CENPL: variants seen among roughly 807,000 people sequenced by gnomAD.
CENPL encodes centromere protein L.
A neutral mutation model predicts 35.2 loss-of-function variants in CENPL; 20 were observed. The ratio of observed to expected loss-of-function variants is 0.57; its 90% CI spans 0.40 to 0.83. The LOEUF is 0.83. Among genes scored for constraint, CENPL ranks in the 40% least tolerant of loss-of-function variants. CENPL has a pLI of 0.00. For synonymous variants in CENPL, 140 were observed against 140.6 expected, an observed-to-expected ratio of 1.00 and a Z score of 0.03; for missense variants, 363 against 395.8, an observed-to-expected ratio of 0.92 and a Z score of 0.70.
At chr1:173,822,006 A>G (rs1488496699) in intron 2 of CENPL, 1 of 151,766 alleles carries the variant, frequency 6.6e-6, no homozygotes, top group Non-Finnish European at 1.5e-5. Context: ...AATCACTCCT[A>G]TACAGGATCC....
chr1:173,802,300 G>A (rs916747874), intron 5 of CENPL, among the ~76,000 whole-genome samples: 10 of 151,940 alleles, frequency 6.6e-5, no homozygotes, highest in African/African-American at 2.4e-4. Flanking sequence ...CCGCCTCTCG[G>A]GTTCACACCA....
chr1:173,803,370 C>G lies in CENPL; in HGVS notation c.556G>C (p.Ala186Pro). Residue 186 changes from alanine to proline, a missense_variant, in exon 5 of 6, where the codon GCA (alanine) becomes CCA (proline). Coordinates refer to ENST00000682279, the MANE Select transcript of CENPL (RefSeq NM_001387287.1). ...GCTGTGTTAGACTCTGCTCCATTTGCAAGGAATAAGGGCAGACAGGTGAAA... is the reference window on the plus strand; with the variant it reads ...GCTGTGTTAGACTCTGCTCCATTTGGAAGGAATAAGGGCAGACAGGTGAAA... ...EDFTCLPLFL[A>P]NGAESNTAII... The G allele has an allele frequency of 3.7e-6, 6 of 1,614,052 alleles. No individual in the cohort carries two copies. Among genetic ancestry groups the G allele is most frequent in the Non-Finnish European group, 5.1e-6 (6 of 1,179,956 alleles).
intron 4 of CENPL, chr1:173,806,347 A>C (rs1368253720): frequency 6.1e-6 from 2 of 328,618 alleles, no homozygotes; most frequent in African/African-American, 4.5e-5. Flanking sequence ...GCACTTTGGG[A>C]GGCCAAGGTG....
intron 1 of CENPL, 63 bp from the exon 2 acceptor site, chr1:173,824,082 G>A (rs1652293787): frequency 1.3e-5 from 2 of 151,168 alleles, no homozygotes; most frequent in Admixed American, 1.3e-4. Flanking sequence ...CTAACCCCTG[G>A]CCCTCCCAAA....
intron 2 of CENPL, among the ~76,000 whole-genome samples, chr1:173,820,812 T>C (rs1651875789): frequency 6.6e-6 from 1 of 152,160 alleles, no homozygotes; most frequent in African/African-American, 2.4e-5. Flanking sequence ...TAAAATTTCA[T>C]ACATTTAACA....
chr1:173,817,228 T>C (rs960727246), intron 2 of CENPL, among the ~76,000 whole-genome samples: 7 of 151,366 alleles, frequency 4.6e-5, no homozygotes, highest in Middle Eastern at 3.2e-3. Context: ...ATCTACAGAA[T>C]GGGAGAAAAT....
Position 173,807,538 on chromosome 1 carries a change from C to A in CENPL, c.169-20G>T. On this transcript the variant is annotated intron_variant, in intron 3 of 5. Coordinates refer to ENST00000682279, the MANE Select transcript of CENPL (RefSeq NM_001387287.1). ...ATCTTCCTATAAAAAAAAATCAAGA[C>A]AAAAGAAGTTTAAGAATTAGGAAAC... is the stretch of plus-strand genomic sequence containing the variant. 2.0e-6 allele frequency: 3 copies of A among 1,477,960 alleles called. No homozygotes were observed. The highest frequency in any genetic ancestry group is 2.7e-6 in the Non-Finnish European group (3 of 1,105,870). The allele number at this position is 1,477,960 out of a possible 1,614,324, so 91.6% of individuals were successfully genotyped here.
chr1:173,815,278 T>A (rs929116695), intron 2 of CENPL, among the ~76,000 whole-genome samples: 2 of 152,234 alleles, frequency 1.3e-5, no homozygotes, highest in Non-Finnish European at 2.9e-5. Context: ...CTGGTACCAT[T>A]CCTTCTGAAA....
At chr1:173,820,081 T>C (rs954953732) in intron 2 of CENPL, among the ~76,000 whole-genome samples, 1 of 152,128 alleles carries the variant, frequency 6.6e-6, no homozygotes, top group African/African-American at 2.4e-5. Flanking sequence ...AAAAGTGTTT[T>C]TGAATTTCAG....
intron 2 of CENPL, among the ~76,000 whole-genome samples, chr1:173,818,993 G>C (rs1428767155): frequency 6.6e-6 from 1 of 152,182 alleles, no homozygotes; most frequent in Non-Finnish European, 1.5e-5. Flanking sequence ...CCAACACTTT[G>C]GGAGGCTGAA....
intron 2 of CENPL, among the ~76,000 whole-genome samples, 190 bp from the exon 3 acceptor site, chr1:173,811,496 C>T (rs573193895): frequency 2.0e-4 from 30 of 152,288 alleles, no homozygotes; most frequent in Non-Finnish European, 3.1e-4. Flanking sequence ...GTATATCTTA[C>T]AGATACCTCA....
intron 4 of CENPL, among the ~76,000 whole-genome samples, chr1:173,805,760 T>C (rs10912693): frequency 0.063 from 9,634 of 152,142 alleles, 977 homozygotes; most frequent in African/African-American, 0.21. Context: ...ATGAAAACCA[T>C]GCACTAAGGA....
intron 2 of CENPL, chr1:173,823,604 C>T (rs1652222902): frequency 6.6e-6 from 1 of 152,210 alleles, no homozygotes; most frequent in Non-Finnish European, 1.5e-5. Context: ...TATCCATTTT[C>T]CATGTGCCAT....
At chr1:173,821,036 C>T (rs1651896076) in intron 2 of CENPL, among the ~76,000 whole-genome samples, 1 of 152,174 alleles carries the variant, frequency 6.6e-6, no homozygotes, top group South Asian at 2.1e-4. Flanking sequence ...AGCATCCTAG[C>T]TTTAAATGCA....
At chr1:173,801,753 G>C (rs928153089) in intron 5 of CENPL, among the ~76,000 whole-genome samples, 1 of 152,158 alleles carries the variant, frequency 6.6e-6, no homozygotes, top group African/African-American at 2.4e-5. Flanking sequence ...CCAGGAGGCG[G>C]AAGTTGCAGT....
chr1:173,811,031 GT>G, intron 3 of CENPL, 100 bp downstream of exon 3: 2 of 1,024,608 alleles, frequency 2.0e-6, no homozygotes, highest in Non-Finnish European at 2.9e-6. Context: ...TAGCTGAGGG[GT>G]TAAGAAGATA....
chr1:173,807,608 A>T, intron 3 of CENPL, 90 bp from the exon 4 acceptor site: 2 of 1,067,118 alleles, frequency 1.9e-6, no homozygotes, highest in South Asian at 2.1e-5. Context: ...ATACAAATAT[A>T]TTATTGAGTA....
chr1:173,815,669 T>C (rs995432104), intron 2 of CENPL, among the ~76,000 whole-genome samples: 6 of 152,162 alleles, frequency 3.9e-5, no homozygotes, highest in African/African-American at 1.2e-4. Context: ...ATAAACTAGA[T>C]ATTGATGGAA....
rs1331944815 is a variant in CENPL, at chr1:173,822,872, G to C, written c.-8+1054C>G. The C allele has an allele frequency of 2.0e-5, 3 of 152,386 alleles. No individual in the cohort carries two copies. In the East Asian group the frequency reaches 5.8e-4, roughly 29 times the overall value. The allele number at this position is 152,386 out of a possible 1,614,324, so 9.4% of individuals were successfully genotyped here. Reference sequence around the variant, plus strand: ...CCTGCCTCAGCCTCCCCAGTAGCTGGGACTACAGGTATGCACCAACACGCC... The same window carrying C: ...CCTGCCTCAGCCTCCCCAGTAGCTGCGACTACAGGTATGCACCAACACGCC... On this transcript the variant is annotated intron_variant, in intron 2 of 5. Coordinates refer to ENST00000682279, the MANE Select transcript of CENPL (RefSeq NM_001387287.1).
Sources: gnomAD v4.1 joint callset for allele counts (sites outside exome capture counted in the v4.1 genomes callset) on GRCh38, gnomAD v4.1.1 for gene constraint, MANE v1.5 for transcripts, NCBI Gene and HGNC (gene_info 2026-07-23, HGNC 2026-07-21) for gene names.